The following QTMAN variants were observed in gnomAD, a reference collection of about 807,000 sequenced individuals.
QTMAN encodes the protein queuosine-tRNA mannosyltransferase.
At chr2:144,322,306 T>A in the QTMAN span, among the ~76,000 whole-genome samples, 1 of 152,348 alleles carries the variant, frequency 6.6e-6, no homozygotes, top group East Asian at 1.9e-4. Context: ...TGGCTTGTAA[T>A]GATCAACATT....
the QTMAN span, among the ~76,000 whole-genome samples, chr2:144,175,560 C>A: frequency 1.3e-5 from 2 of 152,136 alleles, no homozygotes; most frequent in African/African-American, 4.8e-5. Flanking sequence ...CAAAGGAATT[C>A]TACCAAATGT....
At chr2:144,286,043 G>C in the QTMAN span, among the ~76,000 whole-genome samples, 1 of 152,154 alleles carries the variant, frequency 6.6e-6, no homozygotes, top group South Asian at 2.1e-4. Flanking sequence ...GGTCTTCGCA[G>C]CTTCTCCCTC....
the QTMAN span, among the ~76,000 whole-genome samples, chr2:144,003,400 G>GT: frequency 6.6e-6 from 1 of 150,774 alleles, no homozygotes; most frequent in East Asian, 2.0e-4. Flanking sequence ...CATTTGTATA[G>GT]TATTTGGAAA....
the QTMAN span, chr2:143,943,356 A>T: frequency 9.9e-5 from 15 of 152,220 alleles, no homozygotes; most frequent in African/African-American, 3.6e-4. Flanking sequence ...TAAACATAAG[A>T]TCTAATATTA....
chr2:143,957,225 G>C, the QTMAN span: 9 of 1,600,574 alleles, frequency 5.6e-6, no homozygotes, highest in Non-Finnish European at 6.8e-6. Flanking sequence ...ATGCTTAGCT[G>C]TTGAGATGAC....
chr2:144,202,200 A>C, the QTMAN span, among the ~76,000 whole-genome samples: 1 of 152,216 alleles, frequency 6.6e-6, no homozygotes, highest in African/African-American at 2.4e-5. Context: ...AGAAAACAAG[A>C]AAGCATGAAA....
At chr2:144,193,967 C>G in the QTMAN span, among the ~76,000 whole-genome samples, 5 of 152,130 alleles carry the variant, frequency 3.3e-5, no homozygotes, top group African/African-American at 1.2e-4. Context: ...CCTATCAAAC[C>G]ACCTATATCT....
At chr2:144,193,504 A>G in the QTMAN span, among the ~76,000 whole-genome samples, 1 of 148,080 alleles carries the variant, frequency 6.8e-6, no homozygotes, top group East Asian at 1.9e-4. Flanking sequence ...AATATATATT[A>G]CGTGTGTGTG....
chr2:143,961,685 C>T, the QTMAN span, among the ~76,000 whole-genome samples: 1 of 152,016 alleles, frequency 6.6e-6, no homozygotes, highest in Non-Finnish European at 1.5e-5. Context: ...TCATGGTCTT[C>T]CCTGGTAGGA....
chr2:144,173,072 G>A, the QTMAN span, among the ~76,000 whole-genome samples: 9 of 152,016 alleles, frequency 5.9e-5, no homozygotes, highest in African/African-American at 1.9e-4. Context: ...CGTTTTGAAG[G>A]TGTTGCTTCA....
the QTMAN span, among the ~76,000 whole-genome samples, chr2:144,022,442 A>G: frequency 6.6e-6 from 1 of 151,746 alleles, no homozygotes; most frequent in Non-Finnish European, 1.5e-5. Context: ...GATTCATGCC[A>G]CTATGCCCAA....
the QTMAN span, chr2:143,947,123 G>A: frequency 6.2e-7 from 1 of 1,613,202 alleles, no homozygotes; most frequent in Non-Finnish European, 8.5e-7. Flanking sequence ...CAAGAAAACG[G>A]AGCGATTTCA....
At chr2:144,198,614 T>C in the QTMAN span, among the ~76,000 whole-genome samples, 3 of 152,296 alleles carry the variant, frequency 2.0e-5, no homozygotes, top group Admixed American at 1.3e-4. Flanking sequence ...AGCTTGCCAA[T>C]AGCCAACCAC....
chr2:144,009,473 T>C, the QTMAN span, among the ~76,000 whole-genome samples: 1 of 152,122 alleles, frequency 6.6e-6, no homozygotes, highest in African/African-American at 2.4e-5. Context: ...GGACCCTATG[T>C]ACATTCCAGA....
the QTMAN span, among the ~76,000 whole-genome samples, chr2:144,291,031 C>T: frequency 6.6e-6 from 1 of 152,168 alleles, no homozygotes; most frequent in African/African-American, 2.4e-5. Context: ...TCAAGTCTCT[C>T]TCTCATCTTC....
the QTMAN span, chr2:143,946,305 G>A: frequency 6.6e-6 from 1 of 152,140 alleles, no homozygotes; most frequent in Non-Finnish European, 1.5e-5. Flanking sequence ...TGTCATGTTT[G>A]TCCGAATTAC....
chr2:144,155,576 A>C, the QTMAN span, among the ~76,000 whole-genome samples: 2 of 152,124 alleles, frequency 1.3e-5, no homozygotes, highest in African/African-American at 2.4e-5. Context: ...GTTCCCTTCT[A>C]AATACTATAA....
the QTMAN span, among the ~76,000 whole-genome samples, chr2:144,243,905 G>A: frequency 6.6e-6 from 1 of 152,176 alleles, no homozygotes; most frequent in Non-Finnish European, 1.5e-5. Context: ...ATGCTATACA[G>A]ATATTCACAT....
At chr2:144,133,142 T>TAA in the QTMAN span, among the ~76,000 whole-genome samples, 1 of 54,178 alleles carries the variant, frequency 1.8e-5, no homozygotes, top group Non-Finnish European at 2.8e-5. Flanking sequence ...TATATATATA[T>TAA]ATATATATAA....
Sources: gnomAD v4.1 joint callset for allele counts (sites outside exome capture counted in the v4.1 genomes callset) on GRCh38, gnomAD v4.1.1 for gene constraint, MANE v1.5 for transcripts, NCBI Gene and HGNC (gene_info 2026-07-23, HGNC 2026-07-21) for gene names.